Variants in DLGAP2 observed in about 807,000 individuals in gnomAD.
DLGAP2 encodes DLG associated protein 2.
DLGAP2 carries 26 observed loss-of-function variants against 100.3 expected under a neutral mutation model. The ratio of observed to expected loss-of-function variants is 0.26; its 90% CI spans 0.19 to 0.36. The LOEUF is 0.36. Among genes scored for constraint, DLGAP2 ranks in the 10% least tolerant of loss-of-function variants. DLGAP2 has a pLI of 1.00. For missense variants in DLGAP2, 1,858 were observed against 1,453.2 expected, an observed-to-expected ratio of 1.28 and a Z score of -4.53; for synonymous variants, 886 against 630.1, an observed-to-expected ratio of 1.41 and a Z score of -6.08.
At chr8:1,008,048 C>T (rs535981933) in intron 2 of DLGAP2, among the ~76,000 whole-genome samples, 3 of 152,230 alleles carry the variant, frequency 2.0e-5, no homozygotes, top group East Asian at 3.9e-4. Context: ...TTGAAAATGA[C>T]GTGCACTCTC....
chr8:907,130 T>G (rs1042298454), intron 1 of DLGAP2, among the ~76,000 whole-genome samples: 5 of 152,212 alleles, frequency 3.3e-5, no homozygotes, highest in Non-Finnish European at 7.3e-5. Flanking sequence ...CTCTCCTGGG[T>G]AAATTGCCCT....
Position 832,669 on chromosome 8 carries a change from A to G in DLGAP2, c.19-75243A>G, listed in dbSNP as rs1002951456. On this transcript the variant is annotated intron_variant, in intron 1 of 14. Transcript: ENST00000637795. Reference sequence around the variant, plus strand: ...TTTTGCACTGATTTTTTTGATAAACACTTATGTTAAAGCTTTATTTCCCTT... The same window carrying G: ...TTTTGCACTGATTTTTTTGATAAACGCTTATGTTAAAGCTTTATTTCCCTT... Among the ~76,000 whole-genome samples the G allele has an allele frequency of 2.0e-5, 3 of 152,304 alleles. No individual in the cohort carries two copies. In the East Asian group the frequency reaches 5.8e-4, roughly 29 times the overall value.
rs868015957 is a variant in DLGAP2 at position 1,337,173 on chromosome 8, T to A, written c.106+78290T>A. Among the ~76,000 whole-genome samples the A allele has an allele frequency of 3.0e-5, 4 of 132,256 alleles. No homozygotes were observed. In the South Asian group the frequency reaches 7.1e-4, roughly 23 times the overall value. 86.8% of individuals were successfully genotyped at this position (132,256 alleles called of 152,430 possible). The stretch of plus-strand genomic sequence containing the variant: ...ATGATGGTGATGATGGTGGTGATGA[T>A]GATGATGGTGGTGGTGAGAATGATG... On this transcript the variant is annotated intron_variant, in intron 3 of 14. Transcript: ENST00000637795.
At chr8:1,683,748 A>C (rs1799020721) in intron 12 of DLGAP2, among the ~76,000 whole-genome samples, 1 of 145,414 alleles carries the variant, frequency 6.9e-6, no homozygotes, top group South Asian at 2.2e-4. Context: ...CGCCATCCTC[A>C]GTTATGGAGG....
chr8:1,226,743 A>C (rs142026335), intron 2 of DLGAP2, among the ~76,000 whole-genome samples: 1 of 152,166 alleles, frequency 6.6e-6, no homozygotes, highest in African/African-American at 2.4e-5. Flanking sequence ...TTTTCACACA[A>C]CTGTTGAACG....
chr8:1,086,590 G>A (rs1234786951), intron 2 of DLGAP2, among the ~76,000 whole-genome samples: 2 of 152,148 alleles, frequency 1.3e-5, no homozygotes, highest in Non-Finnish European at 2.9e-5. Context: ...GCAAATGGAA[G>A]TCAAAAGAGA....
chr8:1,564,977 C>T (rs1296216269), intron 5 of DLGAP2, among the ~76,000 whole-genome samples: 1 of 152,034 alleles, frequency 6.6e-6, no homozygotes, highest in Non-Finnish European at 1.5e-5. Context: ...CTCAGGTCTG[C>T]ACCAGGCAGA....
intron 3 of DLGAP2, among the ~76,000 whole-genome samples, chr8:1,424,161 C>G (rs1339799852): frequency 2.6e-5 from 4 of 152,208 alleles, no homozygotes; most frequent in African/African-American, 7.2e-5. Context: ...GAGCCTGCAG[C>G]TATTTCTCTC....
chr8:1,307,270 A>G (rs1016252187), intron 3 of DLGAP2, among the ~76,000 whole-genome samples: 21 of 152,224 alleles, frequency 1.4e-4, no homozygotes, highest in African/African-American at 3.4e-4. Context: ...AAGCACAGCA[A>G]CATCATTAAT....
intron 3 of DLGAP2, among the ~76,000 whole-genome samples, chr8:1,276,327 G>T (rs1268595230): frequency 6.6e-6 from 1 of 151,828 alleles, no homozygotes; most frequent in Non-Finnish European, 1.5e-5. Context: ...TAGTGTCTTG[G>T]ACTGACACAT....
chr8:1,367,437 C>T (rs898152431), intron 3 of DLGAP2, among the ~76,000 whole-genome samples: 1 of 152,294 alleles, frequency 6.6e-6, no homozygotes, highest in Non-Finnish European at 1.5e-5. Context: ...CACTAATGGG[C>T]GTTGTGGCTC....
At chr8:1,436,260 C>A (rs1797623811) in intron 3 of DLGAP2, among the ~76,000 whole-genome samples, 1 of 152,182 alleles carries the variant, frequency 6.6e-6, no homozygotes, top group African/African-American at 2.4e-5. Context: ...GCCTGAGAGC[C>A]CCGGGCAAAC....
At chr8:1,377,680 G>A (rs190843595) in intron 3 of DLGAP2, among the ~76,000 whole-genome samples, 5 of 152,216 alleles carry the variant, frequency 3.3e-5, no homozygotes, top group South Asian at 2.1e-4. Context: ...CCTTGCCAGC[G>A]TGGGGGTCAG....
chr8:1,416,523 C>A (rs1046668137), intron 3 of DLGAP2, among the ~76,000 whole-genome samples: 1 of 152,176 alleles, frequency 6.6e-6, no homozygotes, highest in Non-Finnish European at 1.5e-5. Context: ...GTTCTAGCCC[C>A]GCTGAATGAA....
intron 2 of DLGAP2, among the ~76,000 whole-genome samples, chr8:1,211,242 T>G (rs1798098640): frequency 6.6e-6 from 1 of 152,216 alleles, no homozygotes; most frequent in South Asian, 2.1e-4. Context: ...CCAAGTAAAA[T>G]CCACCTTCCT....
chr8:1,355,943 A>G (rs1188956871), intron 3 of DLGAP2, among the ~76,000 whole-genome samples: 1 of 152,178 alleles, frequency 6.6e-6, no homozygotes, highest in Non-Finnish European at 1.5e-5. Context: ...ATTCAAGTAC[A>G]TGCGTGTTGG....
chr8:1,191,104 G>A (rs972430322), intron 2 of DLGAP2, among the ~76,000 whole-genome samples: 1 of 152,088 alleles, frequency 6.6e-6, no homozygotes, highest in Non-Finnish European at 1.5e-5. Flanking sequence ...ATTTATTTAC[G>A]TGGGATGTCT....
At chr8:1,110,692 A>G (rs1345636413) in intron 2 of DLGAP2, among the ~76,000 whole-genome samples, 1 of 146,584 alleles carries the variant, frequency 6.8e-6, no homozygotes, top group African/African-American at 2.5e-5. Context: ...ACTGCTTTCC[A>G]TTTTCAGGGA....
chr8:873,438 A>G (rs1797634949), intron 1 of DLGAP2, among the ~76,000 whole-genome samples: 1 of 152,206 alleles, frequency 6.6e-6, no homozygotes, highest in African/African-American at 2.4e-5. Context: ...GTCTTCCACC[A>G]CTAAGTATGA....
Sources: allele counts gnomAD v4.1 joint callset (sites outside exome capture counted in the v4.1 genomes callset), GRCh38; gene constraint gnomAD v4.1.1; transcripts MANE v1.5; gene names NCBI Gene and HGNC (gene_info 2026-07-23, HGNC 2026-07-21).